ZNF469: variants seen among roughly 807,000 people sequenced by gnomAD.
ZNF469 encodes the protein zinc finger protein 469.
In ZNF469, 1 loss-of-function variant was observed where a neutral mutation model predicts 1.0. The observed-to-expected ratio is 1.00, with a 90% CI of 0.35 to 4.73. The LOEUF is 4.73. Among genes scored for constraint, ZNF469 ranks in the 30% most tolerant of loss-of-function variants. The pLI is 0.16. For missense variants in ZNF469, 6,100 were observed against 5,356.3 expected (o/e 1.14, Z -4.33); for synonymous variants, 2,703 against 2,363.4 (o/e 1.14, Z -4.17).
At chr16:88,160,193 G>A in the ZNF469 span, among the ~76,000 whole-genome samples, 3 of 152,202 alleles carry the variant, frequency 2.0e-5, 1 homozygote, top group East Asian at 5.8e-4. Flanking sequence ...ACTGGGTCTG[G>A]GACTAAGGAG....
chr16:88,364,233 A>G, the ZNF469 span, among the ~76,000 whole-genome samples: 3 of 152,330 alleles, frequency 2.0e-5, no homozygotes, highest in South Asian at 2.1e-4. Context: ...TTTCCCCTGC[A>G]ATAATTCATT....
the ZNF469 span, among the ~76,000 whole-genome samples, chr16:88,222,949 C>T: frequency 6.6e-6 from 1 of 152,224 alleles, no homozygotes. Context: ...CACCCAGCAC[C>T]TGGGTTCCAT....
upstream of ZNF469, among the ~76,000 whole-genome samples, chr16:88,381,137 C>G (rs1242081503): frequency 6.8e-6 from 1 of 146,754 alleles, no homozygotes; most frequent in Non-Finnish European, 1.5e-5. Context: ...CAGACATGCA[C>G]TCACACACAC....
the ZNF469 span, among the ~76,000 whole-genome samples, chr16:88,260,486 G>A: frequency 2.0e-5 from 3 of 152,200 alleles, no homozygotes; most frequent in Non-Finnish European, 2.9e-5. The surrounding 1 kb of genome is among the most constrained non-coding windows in gnomAD (Gnocchi z 4.1). Flanking sequence ...GCTGGTCTGG[G>A]TGCACACACG....
At chr16:88,280,216 C>T in the ZNF469 span, among the ~76,000 whole-genome samples, 19 of 151,666 alleles carry the variant, frequency 1.3e-4, 2 homozygotes, top group South Asian at 4.2e-4. Context: ...CATCAGTGCA[C>T]GGTTAGTACT....
At chr16:88,342,262 G>A in the ZNF469 span, among the ~76,000 whole-genome samples, 26 of 152,074 alleles carry the variant, frequency 1.7e-4, no homozygotes, top group Non-Finnish European at 2.9e-5. Flanking sequence ...CTCAGTGTGG[G>A]GGTCCAGGCT....
the ZNF469 span, among the ~76,000 whole-genome samples, chr16:88,163,787 G>C: frequency 6.6e-6 from 1 of 152,074 alleles, no homozygotes; most frequent in African/African-American, 2.4e-5. Flanking sequence ...ATGCCTGAAA[G>C]GGTGGGTAAG....
At chr16:88,164,619 G>A in the ZNF469 span, among the ~76,000 whole-genome samples, 1 of 152,160 alleles carries the variant, frequency 6.6e-6, no homozygotes, top group African/African-American at 2.4e-5. Context: ...TATGTTTGAC[G>A]TGGATTCTGG....
the ZNF469 span, among the ~76,000 whole-genome samples, chr16:88,312,483 C>G: frequency 6.6e-6 from 1 of 152,216 alleles, no homozygotes; most frequent in Non-Finnish European, 1.5e-5. Context: ...CAATTCTTCA[C>G]TTGCTCGTGT....
At chr16:88,285,944 A>G in the ZNF469 span, among the ~76,000 whole-genome samples, 1 of 152,212 alleles carries the variant, frequency 6.6e-6, no homozygotes, top group Non-Finnish European at 1.5e-5. Flanking sequence ...GACCCTGTGA[A>G]GGCCGCTCAC....
the ZNF469 span, among the ~76,000 whole-genome samples, chr16:88,343,649 G>C: frequency 1.3e-5 from 2 of 152,098 alleles, no homozygotes; most frequent in African/African-American, 4.8e-5. Flanking sequence ...GCAGCACAGG[G>C]CATCCATGGC....
the ZNF469 span, among the ~76,000 whole-genome samples, chr16:88,241,746 T>G: frequency 4.6e-5 from 7 of 152,158 alleles, no homozygotes; most frequent in African/African-American, 1.7e-4. The surrounding 1 kb of genome is among the most constrained non-coding windows in gnomAD (Gnocchi z 4.8). Flanking sequence ...GGATGCCATG[T>G]CTGAGGTGGT....
At chr16:88,360,525 C>G in the ZNF469 span, among the ~76,000 whole-genome samples, 1 of 131,758 alleles carries the variant, frequency 7.6e-6, no homozygotes, top group African/African-American at 3.0e-5. Context: ...CCCCAGACAG[C>G]GCCTGCATGC....
chr16:88,247,505 G>GAATGAGTGAGT, the ZNF469 span, among the ~76,000 whole-genome samples: 8 of 144,684 alleles, frequency 5.5e-5, no homozygotes, highest in East Asian at 8.0e-4. Flanking sequence ...AGTGAGTGAG[G>GAATGAGTGAGT]GAATGAGTGA....
intron 1 of ZNF469, among the ~76,000 whole-genome samples, chr16:88,411,556 C>T (rs186635999): frequency 4.3e-4 from 60 of 140,164 alleles, no homozygotes; most frequent in African/African-American, 9.2e-4. Flanking sequence ...ATGGCTCTCC[C>T]GCATGGCTGC....
At chr16:88,216,623 T>A in the ZNF469 span, among the ~76,000 whole-genome samples, 10 of 152,244 alleles carry the variant, frequency 6.6e-5, no homozygotes, top group Non-Finnish European at 1.2e-4. Context: ...AGATTTTATA[T>A]CTGGTTTTGG....
the ZNF469 span, among the ~76,000 whole-genome samples, chr16:88,312,610 G>T: frequency 1.3e-5 from 2 of 152,220 alleles, no homozygotes; most frequent in African/African-American, 4.8e-5. Flanking sequence ...CCTTGCGCAT[G>T]CTGAAATTAT....
chr16:88,144,474 T>TC, the ZNF469 span, among the ~76,000 whole-genome samples: 4 of 152,210 alleles, frequency 2.6e-5, no homozygotes, highest in African/African-American at 9.6e-5. Flanking sequence ...ATCACGTCCC[T>TC]CCAGCCACCC....
At chr16:88,195,000 G>A in the ZNF469 span, 1 of 152,160 alleles carries the variant, frequency 6.6e-6, no homozygotes, top group African/African-American at 2.4e-5. Context: ...GAGAACTCTG[G>A]GCCACGTAGG....
Sources: allele counts gnomAD v4.1 joint callset (sites outside exome capture counted in the v4.1 genomes callset), GRCh38; gene constraint gnomAD v4.1.1; non-coding constraint Gnocchi (gnomAD v3.1); transcripts MANE v1.5; gene names NCBI Gene and HGNC (gene_info 2026-07-23, HGNC 2026-07-21).